REPS1: variants seen among roughly 807,000 people sequenced by gnomAD.
The protein encoded by REPS1 is RALBP1 associated Eps domain containing 1.
Under a neutral mutation model 100.9 loss-of-function variants are expected in REPS1, and 39 were observed. The ratio of observed to expected loss-of-function variants is 0.39; its 90% CI spans 0.30 to 0.50. The LOEUF is 0.50. REPS1 is among the 20% of genes least tolerant of loss of function. REPS1 has a pLI of 0.86. For missense variants in REPS1, 821 were observed against 968.5 expected (o/e 0.85, Z 2.02); for synonymous variants, 324 against 340.3 (o/e 0.95, Z 0.53).
chr6:138,947,035 G>GCTCTCTCTCTCTCTCTCT (rs10581264), intron 2 of REPS1, among the ~76,000 whole-genome samples: 17 of 137,712 alleles, frequency 1.2e-4, no homozygotes, highest in African/African-American at 3.1e-4. Context: ...ATTCCCCCTT[G>GCTCTCTCTCTCTCTCTCT]CTCTCTCTCT....
At chr6:138,965,343 A>G (rs1229476411) in intron 1 of REPS1, among the ~76,000 whole-genome samples, 2 of 151,852 alleles carry the variant, frequency 1.3e-5, no homozygotes, top group African/African-American at 2.4e-5. Flanking sequence ...TAACAATGAC[A>G]ACAACAACAA....
At chr6:138,929,035 C>T (rs1582753060) in intron 9 of REPS1, 1 of 152,214 alleles carries the variant, frequency 6.6e-6, no homozygotes, top group East Asian at 1.9e-4. Context: ...TAATATCTAG[C>T]ATGCTCTTTA....
chr6:138,921,567 C>CTTT lies in REPS1; in HGVS notation c.1339-446_1339-444dup, dbSNP rs755518526. On this transcript the variant is annotated intron_variant, in intron 10 of 19. Coordinates refer to ENST00000450536, the MANE Select transcript of REPS1 (RefSeq NM_001286611.2). ...TCGGGGATGCTTAGGTAGGAGGATCCTTTTTTTTTTTTTTTTTTTTTTTTT... is the reference window on the plus strand; with the variant it reads ...TCGGGGATGCTTAGGTAGGAGGATCCTTTTTTTTTTTTTTTTTTTTTTTTTTTT... 2.5e-3 allele frequency among the ~76,000 whole-genome samples: 145 copies of CTTT among 57,690 alleles called. 15 individuals are homozygous for CTTT. Among genetic ancestry groups the CTTT allele is most frequent in the Middle Eastern group, 0.014 (1 of 70 alleles). 37.8% of individuals were successfully genotyped at this position (57,690 alleles called of 152,430 possible).
intron 5 of REPS1, 85 bp from the exon 6 acceptor site, chr6:138,944,100 G>A: frequency 1.6e-6 from 2 of 1,287,610 alleles, no homozygotes; most frequent in South Asian, 1.3e-5. Context: ...ATCTTTGAAA[G>A]TAAAACTTGC....
At chr6:138,920,014 G>A (rs1296337728) in intron 12 of REPS1, among the ~76,000 whole-genome samples, 2 of 152,112 alleles carry the variant, frequency 1.3e-5, no homozygotes, top group South Asian at 2.1e-4. Context: ...ACACAGAGAG[G>A]GATGGCAAAC....
At position 138,944,594 on chromosome 6, in the gene REPS1, T is replaced by C; in HGVS notation, c.657A>G (p.Ser219=). The change falls in exon 5 of 20, where the codon TCA becomes TCG. Residue 219 remains serine, a synonymous_variant. Coordinates refer to ENST00000450536, the MANE Select transcript of REPS1 (RefSeq NM_001286611.2). The part of the protein sequence containing the change: ...SGSSAGDAVW[S]GHSPPPPQEN... ...CTTGAGGTGGAGGTGGGGAATGCCCTGACCACACTGCATCACCAGCAGAAG... is the reference window on the plus strand; with the variant it reads ...CTTGAGGTGGAGGTGGGGAATGCCCCGACCACACTGCATCACCAGCAGAAG... The C allele has an allele frequency of 6.2e-7, 1 of 1,614,038 alleles. No individual in the cohort carries two copies. Among genetic ancestry groups the C allele is most frequent in the Non-Finnish European group, 8.5e-7 (1 of 1,179,942 alleles).
In REPS1 at chr6:138,915,962, G is replaced by A. The variant is rs373034841; in HGVS notation, c.1616C>T (p.Thr539Met). ...NVTRQRSHSG[T>M]SPDNTAPPPP... ...TGGTGGTGCAGTGTTATCAGGCGAC[G>A]TTCCTGAATGAGACCTGCAAAATTC... The change falls in exon 14 of 20, where the codon ACG (threonine) becomes ATG (methionine). Residue 539 changes from threonine to methionine, a missense_variant. Around this residue, in one of 3 missense-constraint regions of REPS1, gnomAD observed 757 missense variants for 866.4 expected, o/e 0.87. Coordinates refer to ENST00000450536, the MANE Select transcript of REPS1 (RefSeq NM_001286611.2). The A allele has an allele frequency of 3.8e-5, 61 of 1,613,082 alleles. No homozygotes were observed. In the African/African-American group the frequency reaches 4.9e-4, roughly 13 times the overall value.
intron 8 of REPS1, among the ~76,000 whole-genome samples, chr6:138,937,405 TAA>T (rs753885141): frequency 7.2e-5 from 11 of 152,212 alleles, no homozygotes; most frequent in Admixed American, 1.3e-4. Flanking sequence ...TGGATGAATA[TAA>T]GAGAAACTCT....
At chr6:138,918,879 A>G (rs371547083) in intron 12 of REPS1, among the ~76,000 whole-genome samples, 1 of 152,202 alleles carries the variant, frequency 6.6e-6, no homozygotes, top group African/African-American at 2.4e-5. Flanking sequence ...TAGAAACTCT[A>G]GAGACAATCT....
At chr6:138,920,416 G>A in intron 11 of REPS1, 100 bp from the exon 12 acceptor site, 1 of 518,264 alleles carries the variant, frequency 1.9e-6, no homozygotes, top group Non-Finnish European at 3.4e-6. Context: ...ATCCAAAGAA[G>A]TGGCAGGTAA....
intron 1 of REPS1, among the ~76,000 whole-genome samples, chr6:138,951,853 C>G (rs987824165): frequency 6.6e-6 from 1 of 152,136 alleles, no homozygotes; most frequent in Non-Finnish European, 1.5e-5. Flanking sequence ...TTCAAAGCAG[C>G]CTCATTCTTT....
chr6:138,905,550 C>G (rs1382533335), intron 19 of REPS1, among the ~76,000 whole-genome samples: 2 of 151,680 alleles, frequency 1.3e-5, no homozygotes, highest in Non-Finnish European at 2.9e-5. Flanking sequence ...CTCGGCCTCC[C>G]AAAGTGCTGG....
chr6:138,939,859 C>CAACT (rs139975047), intron 8 of REPS1, among the ~76,000 whole-genome samples: 13,350 of 152,178 alleles, frequency 0.088, 1,209 homozygotes, highest in African/African-American at 0.23. Context: ...TGACGCTTCA[C>CAACT]AACTGAAATG....
chr6:138,922,783 T>C (rs1433961447), intron 10 of REPS1, among the ~76,000 whole-genome samples: 1 of 152,264 alleles, frequency 6.6e-6, no homozygotes, highest in Admixed American at 6.5e-5. Flanking sequence ...GAATTAAGTT[T>C]ATAATTTAGT....
chr6:138,972,885 T>G (rs1027043387), intron 1 of REPS1, among the ~76,000 whole-genome samples: 1 of 152,126 alleles, frequency 6.6e-6, no homozygotes, highest in Non-Finnish European at 1.5e-5. Context: ...TAATTATAAT[T>G]TGGAATTTTT....
intron 1 of REPS1, among the ~76,000 whole-genome samples, chr6:138,963,087 G>A (rs1264301579): frequency 6.6e-6 from 1 of 151,758 alleles, no homozygotes; most frequent in Non-Finnish European, 1.5e-5. Context: ...ACCTCTGGGT[G>A]ACACAGCAAG....
Position 138,987,808 on chromosome 6 carries a change from G to A in REPS1, c.-126C>T, listed in dbSNP as rs1036882271. The A allele has an allele frequency of 6.5e-6, 8 of 1,227,814 alleles. No homozygotes were observed. The highest frequency in any genetic ancestry group is 6.2e-5 in the East Asian group (2 of 32,352). The allele number at this position is 1,227,814 out of a possible 1,614,324, so 76.1% of individuals were successfully genotyped here. ...CTAGCTTCCCGAAAACGCCGGCCCC[G>A]GCCTCACACGCGCCAGGTGCGCCCG... On this transcript the variant is annotated 5_prime_UTR_variant, in exon 1 of 20. Coordinates refer to ENST00000450536, the MANE Select transcript of REPS1 (RefSeq NM_001286611.2).
intron 1 of REPS1, among the ~76,000 whole-genome samples, chr6:138,963,616 G>C (rs1783859459): frequency 6.6e-6 from 1 of 152,088 alleles, no homozygotes; most frequent in Non-Finnish European, 1.5e-5. Context: ...AAGTGGTTTT[G>C]ATTACACACA....
chr6:138,947,956 A>G (rs1363112633), intron 1 of REPS1, 43 bp from the exon 2 acceptor site: 2 of 1,514,506 alleles, frequency 1.3e-6, no homozygotes, highest in Non-Finnish European at 1.8e-6. Context: ...CACAACAAAA[A>G]TCTCCCTTCA....
Sources: allele counts gnomAD v4.1 joint callset (sites outside exome capture counted in the v4.1 genomes callset), GRCh38; gene constraint gnomAD v4.1.1; regional missense constraint gnomAD v4.1.1; transcripts MANE v1.5; gene names NCBI Gene and HGNC (gene_info 2026-07-23, HGNC 2026-07-21).